The following CSMD3 variants were observed in gnomAD, a reference collection of about 807,000 sequenced individuals.
CSMD3 encodes CUB and sushi domain-containing protein 3.
Under a neutral mutation model 435.2 loss-of-function variants are expected in CSMD3, and 177 were observed. The ratio of observed to expected loss-of-function variants is 0.41; its 90% confidence interval spans 0.36 to 0.46. The LOEUF (loss-of-function observed/expected upper bound fraction) is 0.46. Among genes scored for constraint, CSMD3 ranks in the 20% least tolerant of loss-of-function variants. CSMD3 has a pLI of 0.34. For synonymous variants in CSMD3, 1,656 were observed against 1,520.5 expected (o/e 1.09, Z -2.07); for missense variants, 4,265 against 4,504.6 (o/e 0.95, Z 1.52).
chr8:112,319,993 A>C lies in CSMD3; in HGVS notation c.7166-12T>G. Reference sequence around the variant, plus strand: ...CCTTAGTTGATAGGCTACAAAAATAAACAAAGTGTTTATTCCTTTTCTGTG... The same window carrying C: ...CCTTAGTTGATAGGCTACAAAAATACACAAAGTGTTTATTCCTTTTCTGTG... On this transcript the variant is annotated splice_polypyrimidine_tract_variant and intron_variant, in intron 45 of 70. Coordinates refer to ENST00000297405, the MANE Select transcript of CSMD3 (RefSeq NM_198123.2). The C allele has an allele frequency of 1.9e-6, 3 of 1,586,860 alleles. No homozygotes were observed.
intron 5 of CSMD3, among the ~76,000 whole-genome samples, chr8:113,051,216 G>T (rs2088075103): frequency 6.6e-6 from 1 of 152,096 alleles, no homozygotes; most frequent in African/African-American, 2.4e-5. Flanking sequence ...ACATTAGCCT[G>T]GAAGGCTATT....
chr8:113,343,782 T>C (rs2094134869), intron 1 of CSMD3, among the ~76,000 whole-genome samples: 1 of 152,094 alleles, frequency 6.6e-6, no homozygotes, highest in Non-Finnish European at 1.5e-5. Flanking sequence ...TAAAAATAAT[T>C]GCACTCAAGC....
At chr8:113,386,282 T>G (rs2094438939) in intron 1 of CSMD3, among the ~76,000 whole-genome samples, 2 of 151,938 alleles carry the variant, frequency 1.3e-5, no homozygotes, top group Admixed American at 1.3e-4. Flanking sequence ...ACTTCCTGGA[T>G]TTCAATCTCA....
chr8:112,456,356 G>A (rs1035925716), intron 32 of CSMD3, among the ~76,000 whole-genome samples: 1 of 151,980 alleles, frequency 6.6e-6, no homozygotes. Context: ...ACCAGACAGA[G>A]GAAACTTAGT....
chr8:113,284,001 T>A (rs528262254), intron 2 of CSMD3, among the ~76,000 whole-genome samples: 76 of 152,034 alleles, frequency 5.0e-4, no homozygotes, highest in South Asian at 6.2e-4. Context: ...AAAACCAACA[T>A]CATGTAGTCT....
intron 2 of CSMD3, among the ~76,000 whole-genome samples, chr8:113,299,909 CT>C (rs576304360): frequency 1.8e-3 from 275 of 151,956 alleles, no homozygotes; most frequent in Non-Finnish European, 3.4e-3. Flanking sequence ...AGGAGAATCG[CT>C]TGAACCCAGA....
At chr8:112,496,638 A>G (rs1330808804) in intron 30 of CSMD3, among the ~76,000 whole-genome samples, 1 of 152,158 alleles carries the variant, frequency 6.6e-6, no homozygotes, top group African/African-American at 2.4e-5. Context: ...AAAGAATGAA[A>G]TATTTGCAAC....
chr8:112,314,724 T>C, intron 47 of CSMD3, 107 bp from the exon 48 acceptor site: 2 of 772,622 alleles, frequency 2.6e-6, no homozygotes, highest in Non-Finnish European at 4.5e-6. Flanking sequence ...GCTATAAGGA[T>C]GATACGTTGA....
At chr8:112,721,875 A>G (rs1047992634) in intron 13 of CSMD3, among the ~76,000 whole-genome samples, 2 of 152,178 alleles carry the variant, frequency 1.3e-5, no homozygotes, top group African/African-American at 4.8e-5. Context: ...ATTTCTCAGT[A>G]TTAAACAATA....
At chr8:113,230,043 A>G (rs961929486) in intron 3 of CSMD3, among the ~76,000 whole-genome samples, 1 of 151,712 alleles carries the variant, frequency 6.6e-6, no homozygotes, top group Non-Finnish European at 1.5e-5. Flanking sequence ...ATTGTTAAAT[A>G]GAGTTAACTG....
intron 10 of CSMD3, among the ~76,000 whole-genome samples, chr8:112,878,051 GC>G (rs1438797209): frequency 6.6e-6 from 1 of 152,094 alleles, no homozygotes; most frequent in Non-Finnish European, 1.5e-5. Flanking sequence ...TTCAACAAAA[GC>G]CAAAACTGAC....
At chr8:113,136,603 A>G (rs932078987) in intron 4 of CSMD3, among the ~76,000 whole-genome samples, 5 of 151,766 alleles carry the variant, frequency 3.3e-5, no homozygotes, top group African/African-American at 1.2e-4. Flanking sequence ...ACATAGGCAA[A>G]GCTAGTTTGT....
intron 5 of CSMD3, among the ~76,000 whole-genome samples, chr8:113,038,388 C>T (rs1459243604): frequency 6.6e-6 from 1 of 151,990 alleles, no homozygotes; most frequent in East Asian, 1.9e-4. Flanking sequence ...TTTCTATATG[C>T]CAAGTACTCT....
intron 28 of CSMD3, among the ~76,000 whole-genome samples, chr8:112,513,911 G>A (rs1441179043): frequency 6.6e-6 from 1 of 151,960 alleles, no homozygotes; most frequent in African/African-American, 2.4e-5. Flanking sequence ...TTTATTGTTA[G>A]AAACAGTATA....
At chr8:113,227,304 CCATTCTAGGACATG>C (rs1252809865) in intron 3 of CSMD3, among the ~76,000 whole-genome samples, 2 of 151,468 alleles carry the variant, frequency 1.3e-5, no homozygotes, top group Admixed American at 6.6e-5. Context: ...TGGGGTCTGT[CCATTCTAGGACATG>C]TGCCTTACTT....
rs568162137 is a variant in CSMD3 at position 112,481,490 on chromosome 8, A to G, written c.5279-8783T>C. Among the ~76,000 whole-genome samples the G allele has an allele frequency of 5.9e-5, 9 of 152,294 alleles. 1 individual carries two copies. Among genetic ancestry groups the G allele is most frequent in the African/African-American group, 2.2e-4 (9 of 41,580 alleles). On this transcript the variant is annotated intron_variant, in intron 31 of 70. Transcript: ENST00000297405. ...AGCAAGTTAGGTACTTTTAAAAGTG[A>G]TGACTTCTTGCAGGTCACAAAAGAG...
intron 32 of CSMD3, among the ~76,000 whole-genome samples, chr8:112,426,357 T>C (rs901470446): frequency 3.3e-5 from 5 of 152,120 alleles, no homozygotes; most frequent in Non-Finnish European, 1.5e-5. Flanking sequence ...AGCAACTAAA[T>C]ATAAACATAG....
At chr8:112,690,597 C>T (rs998306346) in intron 13 of CSMD3, among the ~76,000 whole-genome samples, 4 of 148,952 alleles carry the variant, frequency 2.7e-5, no homozygotes, top group East Asian at 2.0e-4. Flanking sequence ...ACCCCCCCCC[C>T]CAACAAAAAA....
intron 30 of CSMD3, 120 bp from the exon 31 acceptor site, chr8:112,492,803 G>A: frequency 1.2e-6 from 1 of 825,110 alleles, no homozygotes; most frequent in South Asian, 1.4e-5. Flanking sequence ...GGAAAAAACT[G>A]TATCTGTACT....
Sources: allele counts gnomAD v4.1 joint callset (sites outside exome capture counted in the v4.1 genomes callset), GRCh38; gene constraint gnomAD v4.1.1; transcripts MANE v1.5; gene names NCBI Gene and HGNC (gene_info 2026-07-23, HGNC 2026-07-21).